Variants in DHRSX observed in about 807,000 individuals in gnomAD.
DHRSX encodes dehydrogenase/reductase X-linked, also known as polyprenol dehydrogenase.
DHRSX carries 31 observed loss-of-function variants against 34.0 expected under a neutral mutation model. That is an observed-to-expected ratio of 0.91 (90% CI 0.69 to 1.23). The LOEUF is 1.23. Ranked by LOEUF, DHRSX falls within the 50% of genes most tolerant of loss-of-function variation. DHRSX has a pLI of 0.00. For missense variants in DHRSX, 414 were observed against 428.1 expected, an observed-to-expected ratio of 0.97 and a Z score of 0.29; for synonymous variants, 201 against 183.8, an observed-to-expected ratio of 1.09 and a Z score of -0.76.
intron 6 of DHRSX, among the ~76,000 whole-genome samples, chrX:2,237,193 AT>A (rs1737247661): frequency 6.6e-6 from 1 of 152,148 alleles, no homozygotes; most frequent in Non-Finnish European, 1.5e-5. Flanking sequence ...CTTAAAAAAA[AT>A]AAAAATAAAA....
intron 1 of DHRSX, among the ~76,000 whole-genome samples, chrX:2,495,770 G>A (rs903215352): frequency 2.2e-4 from 33 of 152,104 alleles, no homozygotes; most frequent in Admixed American, 1.4e-3. Context: ...TCCCCAGTGC[G>A]GGGGGAGGGG....
At chrX:2,392,491 A>C (rs1390815775) in intron 3 of DHRSX, 1 of 282,392 alleles carries the variant, frequency 3.5e-6, no homozygotes, top group East Asian at 1.2e-4. Flanking sequence ...AAATAAAATA[A>C]AATAAGTAGG....
rs183310446 is a variant in DHRSX at position 2,451,126 on chromosome X, A to G, written c.110-25822T>C. On this transcript the variant is annotated intron_variant, in intron 1 of 6. Transcript: ENST00000334651. Reference sequence around the variant, plus strand: ...ATTTTATTTTAGCAGCTCCCTACTCAGGAGGCTGTGGCAGGAGAATCGCTT... The same window carrying G: ...ATTTTATTTTAGCAGCTCCCTACTCGGGAGGCTGTGGCAGGAGAATCGCTT... Among the ~76,000 whole-genome samples, 1,426 of 152,116 alleles carry G rather than the reference A, an allele frequency of 9.4e-3. 17 individuals are homozygous for G. The highest frequency in any genetic ancestry group is 0.034 in the Middle Eastern group (10 of 294).
At chrX:2,362,514 T>C (rs1187240661) in intron 3 of DHRSX, among the ~76,000 whole-genome samples, 1 of 152,218 alleles carries the variant, frequency 6.6e-6, no homozygotes, top group Non-Finnish European at 1.5e-5. Flanking sequence ...TTGGCCAGAC[T>C]GGCCTCGAAA....
At chrX:2,408,412 C>T (rs1402196643) in intron 3 of DHRSX, among the ~76,000 whole-genome samples, 1 of 152,158 alleles carries the variant, frequency 6.6e-6, no homozygotes, top group African/African-American at 2.4e-5. Flanking sequence ...CCAGCAGAGG[C>T]ACCTCCTGGC....
At position 2,386,888 on chromosome X, in the gene DHRSX, T is replaced by G. The variant is rs747964508; in HGVS notation, c.286+21857A>C. Among the ~76,000 whole-genome samples, 366 of 151,950 alleles carry G rather than the reference T, an allele frequency of 2.4e-3. 1 individual carries two copies. The highest frequency in any genetic ancestry group is 8.3e-3 in the African/African-American group (344 of 41,516). On this transcript the variant is annotated intron_variant, in intron 3 of 6. Transcript: ENST00000334651. Reference sequence around the variant, plus strand: ...AACTACTATTGATGGTTTTGTTTTTTTTTTTTTTTGCTTCTCTGCTACTTT... The same window carrying G: ...AACTACTATTGATGGTTTTGTTTTTGTTTTTTTTTGCTTCTCTGCTACTTT...
chrX:2,291,561 C>A lies in DHRSX; in HGVS notation c.329G>T (p.Arg110Leu), dbSNP rs773036846. ...CATCTTGAACTTCTGCACAAACTGCCGGATGGAAGTCATGGAAGCCAAGTC... is the reference window on the plus strand; with the variant it reads ...CATCTTGAACTTCTGCACAAACTGCAGGATGGAAGTCATGGAAGCCAAGTC... ...YCDLASMTSI[R>L]QFVQKFKMKK... The change falls in exon 4 of 7, where the codon CGG becomes CTG. Residue 110 changes from arginine to leucine, a missense_variant. Arg to Leu is a moderately radical substitution (Grantham distance 102). Coordinates refer to ENST00000334651, the MANE Select transcript of DHRSX (RefSeq NM_145177.3). The A allele has an allele frequency of 1.9e-6, 3 of 1,613,700 alleles. No homozygotes were observed. The highest frequency in any genetic ancestry group is 1.7e-5 in the Admixed American group (1 of 59,978).
At chrX:2,304,965 A>G (rs2042082055) in intron 3 of DHRSX, among the ~76,000 whole-genome samples, 1 of 152,162 alleles carries the variant, frequency 6.6e-6, no homozygotes, top group Admixed American at 6.6e-5. Context: ...CAAATGCCCA[A>G]GAATGATAGA....
In DHRSX at chrX:2,358,140, T is replaced by C. The variant is rs149601785; in HGVS notation, c.286+50605A>G. Among the ~76,000 whole-genome samples the C allele has an allele frequency of 3.5e-4, 53 of 152,258 alleles. 3 individuals carry two copies. The East Asian group carries it at 0.01, about 29-fold the overall frequency. The stretch of plus-strand genomic sequence containing the variant: ...TACTCAGTTGAGAAACGGAGTTAGC[T>C]AACACTTGGTTTAAAGTTACGAAAG... On this transcript the variant is annotated intron_variant, in intron 3 of 6. Coordinates refer to ENST00000334651, the MANE Select transcript of DHRSX (RefSeq NM_145177.3).
intron 3 of DHRSX, among the ~76,000 whole-genome samples, chrX:2,361,700 C>T (rs2042936131): frequency 6.6e-6 from 1 of 152,270 alleles, no homozygotes; most frequent in Non-Finnish European, 1.5e-5. Flanking sequence ...AAGCCCTACC[C>T]TGTTTATGTG....
intron 6 of DHRSX, among the ~76,000 whole-genome samples, chrX:2,222,567 C>T (rs971038568): frequency 6.6e-6 from 1 of 152,170 alleles, no homozygotes; most frequent in Admixed American, 6.5e-5. Flanking sequence ...TCCATTTGCC[C>T]GAACTGATTT....
At chrX:2,371,390 TCC>T (rs1187478384) in intron 3 of DHRSX, among the ~76,000 whole-genome samples, 6 of 143,258 alleles carry the variant, frequency 4.2e-5, no homozygotes, top group Non-Finnish European at 9.0e-5. Flanking sequence ...GTTACCACAG[TCC>T]CCCCTTCTCA....
intron 4 of DHRSX, among the ~76,000 whole-genome samples, chrX:2,285,609 A>G (rs1193590140): frequency 1.3e-5 from 2 of 152,148 alleles, no homozygotes; most frequent in Non-Finnish European, 2.9e-5. Flanking sequence ...CTAACAGGCC[A>G]TGGACTGGTA....
At chrX:2,304,560 G>A (rs533002369) in intron 3 of DHRSX, among the ~76,000 whole-genome samples, 18 of 152,132 alleles carry the variant, frequency 1.2e-4, no homozygotes, top group African/African-American at 2.9e-4. Flanking sequence ...ATGAGTTCTC[G>A]TGGCATCTGG....
intron 1 of DHRSX, chrX:2,500,261 C>G (rs1193619458): frequency 1.2e-5 from 2 of 163,564 alleles, no homozygotes; most frequent in East Asian, 3.3e-4. Flanking sequence ...GAAGCCGCCT[C>G]TGGGCCCCCT....
rs184194685 is a variant in DHRSX, at chrX:2,460,232, C to T, written c.110-34928G>A. ...TGTTCCCAGTTATTACTCGGAGGGC[C>T]GGGCCTGCTCAGGAGGGTTGGTGAG... On this transcript the variant is annotated intron_variant, in intron 1 of 6. Transcript: ENST00000334651. Among the ~76,000 whole-genome samples the T allele has an allele frequency of 1.5e-3, 222 of 151,918 alleles. 1 individual carries two copies. The highest frequency in any genetic ancestry group is 4.2e-3 in the East Asian group (22 of 5,180).
intron 1 of DHRSX, among the ~76,000 whole-genome samples, chrX:2,474,988 T>A (rs67560174): frequency 6.6e-6 from 1 of 150,596 alleles, no homozygotes; most frequent in Non-Finnish European, 1.5e-5. Flanking sequence ...GCCAAGGGAA[T>A]GCACTGAAGA....
Position 2,314,462 on chromosome X carries a change from G to T in DHRSX, c.287-22859C>A, listed in dbSNP as rs1569487299. On this transcript the variant is annotated intron_variant, in intron 3 of 6. Transcript: ENST00000334651. Reference sequence around the variant, plus strand: ...GGAAGGAAGGGGAGAAGGGAGGAAGGAAGGGGAGAAGGAAGGAAGGAAGGA... The same window carrying T: ...GGAAGGAAGGGGAGAAGGGAGGAAGTAAGGGGAGAAGGAAGGAAGGAAGGA... 2.0e-5 allele frequency among the ~76,000 whole-genome samples: 2 copies of T among 98,430 alleles called. 1 individual carries two copies. The highest frequency in any genetic ancestry group is 3.9e-5 in the Non-Finnish European group (2 of 51,030). The allele number at this position is 98,430 out of a possible 152,430, so 64.6% of individuals were successfully genotyped here. A position where few individuals can be genotyped will look rare whatever the true frequency, so the allele number is the denominator to read the frequency against.
intron 2 of DHRSX, among the ~76,000 whole-genome samples, chrX:2,410,545 A>T (rs2043613027): frequency 6.6e-6 from 1 of 152,214 alleles, no homozygotes; most frequent in Admixed American, 6.5e-5. Flanking sequence ...ATTCCTGAAT[A>T]CTGAGTCAAC....
Sources: gnomAD v4.1 joint callset for allele counts (sites outside exome capture counted in the v4.1 genomes callset) on GRCh38, gnomAD v4.1.1 for gene constraint, MANE v1.5 for transcripts, NCBI Gene and HGNC (gene_info 2026-07-23, HGNC 2026-07-21) for gene names.